The following CAND1 variants were observed in gnomAD, a reference collection of about 807,000 sequenced individuals.
The protein encoded by CAND1 is cullin-associated NEDD8-dissociated protein 1.
A neutral mutation model predicts 108.5 loss-of-function variants in CAND1; 7 were observed. The observed-to-expected ratio is 0.06, with a 90% CI of 0.04 to 0.12. CAND1 has a LOEUF of 0.12. Ranked by LOEUF, CAND1 falls within the 10% of genes least tolerant of loss-of-function variation. The pLI is 1.00. For synonymous variants in CAND1, 534 were observed against 512.0 expected, an observed-to-expected ratio of 1.04 and a Z score of -0.58; for missense variants, 941 against 1,448.7, an observed-to-expected ratio of 0.65 and a Z score of 5.69.
At chr12:67,301,999 T>G (rs1006549426) in intron 7 of CAND1, among the ~76,000 whole-genome samples, 3 of 152,218 alleles carry the variant, frequency 2.0e-5, no homozygotes, top group Non-Finnish European at 4.4e-5. Flanking sequence ...CTATAAATAT[T>G]TATATTCTAA....
chr12:67,281,693 G>A (rs1475031595), intron 1 of CAND1, among the ~76,000 whole-genome samples: 1 of 152,084 alleles, frequency 6.6e-6, no homozygotes, highest in Non-Finnish European at 1.5e-5. Context: ...AAGTCTCACC[G>A]TCTCTCTGGA....
Position 67,292,790 on chromosome 12 carries a change from C to G in CAND1, c.367+14C>G. On this transcript the variant is annotated intron_variant, in intron 3 of 14. Transcript: ENST00000545606. ...CAGCTTCCAGTGGTAAGCAAGAGCA[C>G]ATTTTTCTTCCTATTTCTTTTTGTG... The G allele has an allele frequency of 6.2e-7, 1 of 1,611,516 alleles. No individual in the cohort carries two copies. Among genetic ancestry groups the G allele is most frequent in the African/African-American group, 1.3e-5 (1 of 74,884 alleles).
At chr12:67,273,540 G>A (rs1357055629) in intron 1 of CAND1, among the ~76,000 whole-genome samples, 1 of 150,418 alleles carries the variant, frequency 6.6e-6, no homozygotes, top group African/African-American at 2.5e-5. Flanking sequence ...GAGTGCAGTG[G>A]CACCACCTCA....
intron 1 of CAND1, among the ~76,000 whole-genome samples, chr12:67,280,810 G>A (rs1350374063): frequency 6.6e-6 from 1 of 152,094 alleles, no homozygotes; most frequent in Admixed American, 6.5e-5. Context: ...GCTGAGATTA[G>A]ATGATTGATC....
chr12:67,318,860 G>A lies in CAND1; in HGVS notation c.*6030G>A, dbSNP rs935723392. On this transcript the variant is annotated 3_prime_UTR_variant, in exon 15 of 15. Coordinates refer to ENST00000545606, the MANE Select transcript of CAND1 (RefSeq NM_018448.5). ...CTGGGGGTTAATAATTGAGGGTATG[G>A]TCCATTCAACATGAGTGAGACAGAA... is the stretch of plus-strand genomic sequence containing the variant. 6.6e-6 allele frequency: 1 copy of A among 152,192 alleles called. No individual in the cohort carries two copies. Among genetic ancestry groups the A allele is most frequent in the African/African-American group, 2.4e-5 (1 of 41,444 alleles). The allele number at this position is 152,192 out of a possible 1,614,324, so 9.4% of individuals were successfully genotyped here.
intron 2 of CAND1, 23 bp downstream of exon 2, chr12:67,282,076 A>C: frequency 6.2e-7 from 1 of 1,610,832 alleles, no homozygotes; most frequent in Non-Finnish European, 8.5e-7. Flanking sequence ...TTACTGGTTG[A>C]GTCTTTCTTC....
intron 3 of CAND1, chr12:67,293,325 T>A (rs1451290034): frequency 1.3e-5 from 2 of 152,552 alleles, no homozygotes; most frequent in African/African-American, 4.8e-5. Context: ...TTGATAGAAA[T>A]GTGTAGGTAA....
rs1440093768 is a variant in CAND1, at chr12:67,297,589, A to G, written c.674A>G (p.Asn225Ser). Residue 225 changes from asparagine (N) to serine (S), a missense_variant, in exon 5 of 15, where the codon AAT becomes AGT. Transcript: ENST00000545606. ...IEHLLSELSK[N>S]DSMSTTRTYI... is the part of the protein sequence containing the mutation. ...CATCTGTTGTCAGAGTTGTCCAAAA[A>G]TGATTCTATGTCAACAACAAGAACC... 1.9e-6 allele frequency: 3 copies of G among 1,614,134 alleles called. No individual in the cohort carries two copies. Among genetic ancestry groups the G allele is most frequent in the South Asian group, 1.1e-5 (1 of 91,084 alleles).
intron 1 of CAND1, among the ~76,000 whole-genome samples, chr12:67,274,015 T>C (rs545348783): frequency 1.3e-5 from 2 of 152,316 alleles, no homozygotes; most frequent in Non-Finnish European, 2.9e-5. Flanking sequence ...AGTTAGATAG[T>C]AGGTCTGGGA....
chr12:67,282,336 A>G (rs1302571740), intron 2 of CAND1, among the ~76,000 whole-genome samples: 3 of 151,236 alleles, frequency 2.0e-5, no homozygotes, highest in Admixed American at 6.6e-5. Flanking sequence ...TATAGTCTAC[A>G]TTTTTAGTTG....
intron 1 of CAND1, among the ~76,000 whole-genome samples, chr12:67,272,904 C>T (rs749336567): frequency 1.3e-5 from 2 of 152,070 alleles, no homozygotes; most frequent in African/African-American, 2.4e-5. Flanking sequence ...ACCATGTTCG[C>T]CAGCATGGTC....
In CAND1 at chr12:67,295,090, T is replaced by C; in HGVS notation, c.425T>C (p.Ile142Thr). ...ATTACTGGACGTCTTACAAGTGCAA[T>C]AGCAAAACAGGAAGATGTCTCTGTT... ...KKITGRLTSA[I>T]AKQEDVSVQL... The change falls in exon 4 of 15, where the codon ATA becomes ACA. Residue 142 changes from isoleucine to threonine, a missense_variant. Around this residue, in one of 9 missense-constraint regions of CAND1, gnomAD observed 697 missense variants for 942.0 expected, o/e 0.74. Coordinates refer to ENST00000545606, the MANE Select transcript of CAND1 (RefSeq NM_018448.5). The C allele has an allele frequency of 6.2e-7, 1 of 1,613,254 alleles. No homozygotes were observed. The highest frequency in any genetic ancestry group is 8.5e-7 in the Non-Finnish European group (1 of 1,179,438).
intron 13 of CAND1, chr12:67,310,620 C>T (rs966274372): frequency 1.1e-5 from 2 of 189,386 alleles, no homozygotes; most frequent in Admixed American, 5.7e-5. Flanking sequence ...ACAGATTTTG[C>T]TGTTTAAAGT....
Position 67,302,440 on chromosome 12 carries a change from A to G in CAND1, c.1118A>G (p.Lys373Arg), listed in dbSNP as rs1163628883. 6.2e-7 allele frequency: 1 copy of G among 1,614,048 alleles called. No individual in the cohort carries two copies. The highest frequency in any genetic ancestry group is 1.3e-5 in the African/African-American group (1 of 74,936). ...TRHEMLPEFY[K>R]TVSPALISRF... Reference sequence around the variant, plus strand: ...CATGAAATGCTTCCAGAATTCTACAAGACCGTCTCTCCTGCACTAATATCC... The same window carrying G: ...CATGAAATGCTTCCAGAATTCTACAGGACCGTCTCTCCTGCACTAATATCC... The change falls in exon 8 of 15, where the codon AAG becomes AGG. Residue 373 changes from lysine to arginine, a missense_variant. By Grantham distance (26) the Lys-to-Arg change is conservative (BLOSUM62 2). Transcript: ENST00000545606.
In CAND1 at chr12:67,273,502, A is replaced by G. The variant is rs2044541627; in HGVS notation, c.68+3717A>G. On this transcript the variant is annotated intron_variant, in intron 1 of 14. Coordinates refer to ENST00000545606, the MANE Select transcript of CAND1 (RefSeq NM_018448.5). ...TTCTTTTTTTTTTTTTTTTTTAGAGATAGGGTCTCGCTCTGTCACCCACGC... is the reference window on the plus strand; with the variant it reads ...TTCTTTTTTTTTTTTTTTTTTAGAGGTAGGGTCTCGCTCTGTCACCCACGC... Among the ~76,000 whole-genome samples the G allele has an allele frequency of 4.5e-5, 6 of 133,392 alleles. No homozygotes were observed. The South Asian group carries it at 1.4e-3, about 31-fold the overall frequency. The allele number at this position is 133,392 out of a possible 152,430, so 87.5% of individuals were successfully genotyped here.
chr12:67,283,498 G>T (rs897869471), intron 2 of CAND1, among the ~76,000 whole-genome samples: 1 of 151,280 alleles, frequency 6.6e-6, no homozygotes, highest in South Asian at 2.1e-4. Flanking sequence ...CAGCAGAATC[G>T]CTTGAACCTG....
At chr12:67,275,475 G>A (rs1409775795) in intron 1 of CAND1, among the ~76,000 whole-genome samples, 5 of 151,910 alleles carry the variant, frequency 3.3e-5, no homozygotes, top group Non-Finnish European at 4.4e-5. Flanking sequence ...TGCGTGAGCA[G>A]AGATTGCACC....
At chr12:67,288,707 G>A (rs1454510148) in intron 2 of CAND1, among the ~76,000 whole-genome samples, 1 of 152,150 alleles carries the variant, frequency 6.6e-6, no homozygotes, top group African/African-American at 2.4e-5. Flanking sequence ...GCCAAAGAGT[G>A]GAAAGAGTCA....
At chr12:67,307,810 A>G (rs2044904219) in intron 11 of CAND1, among the ~76,000 whole-genome samples, 2 of 152,058 alleles carry the variant, frequency 1.3e-5, no homozygotes, top group South Asian at 2.1e-4. Flanking sequence ...CTAGATTTAT[A>G]TGGCCAGTCT....
Sources: allele counts gnomAD v4.1 joint callset (sites outside exome capture counted in the v4.1 genomes callset), GRCh38; gene constraint gnomAD v4.1.1; regional missense constraint gnomAD v4.1.1; transcripts MANE v1.5; gene names NCBI Gene and HGNC (gene_info 2026-07-23, HGNC 2026-07-21).